The following SLC35F3 variants were observed in gnomAD, a reference collection of about 807,000 sequenced individuals.
SLC35F3 encodes putative thiamine transporter SLC35F3.
SLC35F3 carries 25 observed loss-of-function variants against 49.9 expected under a neutral mutation model. That is an observed-to-expected ratio of 0.50 (90% confidence interval 0.37 to 0.70). The LOEUF is 0.70. SLC35F3 is among the 30% of genes least tolerant of loss of function. The probability of loss-of-function intolerance (pLI) is 0.00; values close to 1 mark genes in which losing one functional copy is unlikely to be tolerated. For missense variants in SLC35F3, 525 were observed against 639.8 expected (o/e 0.82, Z 1.94); for synonymous variants, 275 against 265.4 (o/e 1.04, Z -0.35).
chr1:234,221,055 CAGAT>C (rs1474779039), intron 2 of SLC35F3, among the ~76,000 whole-genome samples: 1 of 152,034 alleles, frequency 6.6e-6, no homozygotes, highest in African/African-American at 2.4e-5. Context: ...CCAGAGAACT[CAGAT>C]AGTACGGTGG....
chr1:234,051,808 C>T (rs894548659), intron 2 of SLC35F3, among the ~76,000 whole-genome samples: 1 of 152,138 alleles, frequency 6.6e-6, no homozygotes, highest in Non-Finnish European at 1.5e-5. Context: ...TTTTGAGATA[C>T]GTCCCATCAA....
intron 2 of SLC35F3, among the ~76,000 whole-genome samples, chr1:234,047,385 G>A (rs1664306886): frequency 6.6e-6 from 1 of 152,182 alleles, no homozygotes; most frequent in Non-Finnish European, 1.5e-5. Context: ...TTTATTCAGT[G>A]TGGGTGGACC....
chr1:233,938,064 A>G (rs1008073762), intron 2 of SLC35F3, among the ~76,000 whole-genome samples: 31 of 152,218 alleles, frequency 2.0e-4, no homozygotes, highest in African/African-American at 7.5e-4. Flanking sequence ...GCCCCCATTG[A>G]TTAGTTGGGG....
chr1:234,098,555 TTGGTGGTGG>T (rs1317706826), intron 2 of SLC35F3, among the ~76,000 whole-genome samples: 1 of 148,052 alleles, frequency 6.8e-6, no homozygotes, highest in East Asian at 2.1e-4. Context: ...GTGGTGATTA[TTGGTGGTGG>T]TGGTGGCAAT....
intron 2 of SLC35F3, among the ~76,000 whole-genome samples, chr1:234,109,865 G>T (rs4484982): frequency 9.9e-5 from 15 of 152,078 alleles, no homozygotes; most frequent in African/African-American, 3.4e-4. Context: ...TCTTAGAGAA[G>T]GAGGCATTTG....
intron 2 of SLC35F3, among the ~76,000 whole-genome samples, chr1:233,936,955 G>C (rs1488156617): frequency 2.0e-5 from 3 of 152,184 alleles, no homozygotes; most frequent in Admixed American, 2.0e-4. Context: ...GCCTCCCAAA[G>C]TGTTGAGATT....
intron 2 of SLC35F3, among the ~76,000 whole-genome samples, chr1:234,137,755 G>T (rs946154482): frequency 6.6e-6 from 1 of 152,202 alleles, no homozygotes; most frequent in African/African-American, 2.4e-5. Context: ...AGCACATGTC[G>T]CAGCAAGTAG....
At chr1:233,953,454 T>C (rs1662642859) in intron 2 of SLC35F3, among the ~76,000 whole-genome samples, 1 of 152,184 alleles carries the variant, frequency 6.6e-6, no homozygotes, top group Non-Finnish European at 1.5e-5. Context: ...TGATTGTGGG[T>C]CTGAACAGTT....
At chr1:234,265,836 C>T (rs1294763573) in intron 3 of SLC35F3, among the ~76,000 whole-genome samples, 2 of 152,188 alleles carry the variant, frequency 1.3e-5, no homozygotes, top group Non-Finnish European at 2.9e-5. Flanking sequence ...CCTCCCTTCT[C>T]AGCTGGGTCT....
intron 2 of SLC35F3, among the ~76,000 whole-genome samples, chr1:234,104,855 G>A (rs1357521082): frequency 1.3e-5 from 2 of 152,208 alleles, no homozygotes; most frequent in East Asian, 3.9e-4. Flanking sequence ...TTGTGGCTGG[G>A]CACGGTGGCT....
At chr1:234,121,892 C>T (rs918543155) in intron 2 of SLC35F3, among the ~76,000 whole-genome samples, 8 of 152,330 alleles carry the variant, frequency 5.3e-5, no homozygotes, top group Non-Finnish European at 1.2e-4. Context: ...AGGACATGAA[C>T]TCATCCTTTT....
intron 2 of SLC35F3, among the ~76,000 whole-genome samples, chr1:233,909,810 G>A (rs1310023708): frequency 6.6e-6 from 1 of 152,192 alleles, no homozygotes; most frequent in African/African-American, 2.4e-5. Flanking sequence ...ATGGGGGGCA[G>A]CCTTTAGTTG....
At chr1:234,308,785 C>T (rs1427250777) in intron 3 of SLC35F3, among the ~76,000 whole-genome samples, 1 of 151,732 alleles carries the variant, frequency 6.6e-6, no homozygotes, top group East Asian at 1.9e-4. Flanking sequence ...CAGAATCCCT[C>T]AGTCAATCAC....
chr1:234,084,159 C>T (rs1015313151), intron 2 of SLC35F3, among the ~76,000 whole-genome samples: 1 of 151,696 alleles, frequency 6.6e-6, no homozygotes, highest in African/African-American at 2.4e-5. Flanking sequence ...GTTAAACAAG[C>T]AATTATCATT....
chr1:234,182,883 A>G (rs1436609977), intron 2 of SLC35F3, among the ~76,000 whole-genome samples: 1 of 152,172 alleles, frequency 6.6e-6, no homozygotes, highest in Non-Finnish European at 1.5e-5. Flanking sequence ...CCATATCTCT[A>G]GTCCATTTTC....
chr1:233,931,576 A>G (rs2102793734), intron 2 of SLC35F3, among the ~76,000 whole-genome samples: 1 of 152,374 alleles, frequency 6.6e-6, no homozygotes, highest in Non-Finnish European at 1.5e-5. Flanking sequence ...AGAAATGCAA[A>G]TCAAAACCAC....
intron 2 of SLC35F3, among the ~76,000 whole-genome samples, chr1:234,019,275 G>A (rs138595931): frequency 0.012 from 1,835 of 152,216 alleles, 13 homozygotes; most frequent in Non-Finnish European, 0.021. Context: ...AAGGGGTGAG[G>A]TCTGAGGTCA....
chr1:233,994,269 A>G (rs1465776816), intron 2 of SLC35F3, among the ~76,000 whole-genome samples: 1 of 152,176 alleles, frequency 6.6e-6, no homozygotes, highest in Non-Finnish European at 1.5e-5. Context: ...GAAACTTTAT[A>G]AGAAGTTTTT....
At chr1:234,077,735 T>TG (rs1282299902) in intron 2 of SLC35F3, among the ~76,000 whole-genome samples, 1 of 152,134 alleles carries the variant, frequency 6.6e-6, no homozygotes, top group African/African-American at 2.4e-5. Context: ...ACCTCAGCTG[T>TG]GGGGCTCAAC....
Sources: gnomAD v4.1 joint callset for allele counts (sites outside exome capture counted in the v4.1 genomes callset) on GRCh38, gnomAD v4.1.1 for gene constraint, MANE v1.5 for transcripts, NCBI Gene and HGNC (gene_info 2026-07-23, HGNC 2026-07-21) for gene names.